Variants in PLSCR5 observed in about 807,000 individuals in gnomAD.
PLSCR5 encodes the protein phospholipid scramblase family, member 5.
A neutral mutation model predicts 33.6 loss-of-function variants in PLSCR5; 44 were observed. The observed-to-expected ratio is 1.31, with a 90% CI of 1.03 to 1.69. PLSCR5 has a LOEUF of 1.69. Among genes scored for constraint, PLSCR5 ranks in the 40% most tolerant of loss-of-function variants. The pLI, the probability that PLSCR5 is intolerant of heterozygous loss-of-function variation, is 0.00. For synonymous variants in PLSCR5, 148 were observed against 112.3 expected (o/e 1.32, Z -2.01); for missense variants, 375 against 318.7 (o/e 1.18, Z -1.34).
At chr3:146,602,892 T>C (rs1284098985) in intron 1 of PLSCR5, among the ~76,000 whole-genome samples, 2 of 152,070 alleles carry the variant, frequency 1.3e-5, no homozygotes, top group African/African-American at 2.4e-5. Context: ...CCAAAGTCTT[T>C]ATTTAGGAGT....
At chr3:146,598,839 C>A (rs2044785381) in intron 2 of PLSCR5, among the ~76,000 whole-genome samples, 1 of 152,192 alleles carries the variant, frequency 6.6e-6, no homozygotes, top group Non-Finnish European at 1.5e-5. Context: ...CCTGAGCTCT[C>A]CAGTCTCTAA....
chr3:146,586,226 C>A (rs2044664900), intron 6 of PLSCR5, 114 bp from the exon 7 acceptor site: 23 of 1,038,308 alleles, frequency 2.2e-5, no homozygotes, highest in Non-Finnish European at 3.0e-5. Context: ...AGTGGTGTTC[C>A]AGTATTATGA....
At chr3:146,594,912 T>C (rs1430429702) in intron 3 of PLSCR5, 129 bp downstream of exon 3, 7 of 466,824 alleles carry the variant, frequency 1.5e-5, no homozygotes, top group Non-Finnish European at 1.8e-5. Context: ...CCTAGTACTC[T>C]TTTTGATCTA....
rs1297247303 is a variant in PLSCR5 at position 146,589,713 on chromosome 3, A to C, written c.717T>G (p.His239Gln). 1 of 1,605,588 alleles carries C rather than the reference A, an allele frequency of 6.2e-7. No homozygotes were observed. The highest frequency in any genetic ancestry group is 8.5e-7 in the Non-Finnish European group (1 of 1,173,692). Reference sequence around the variant, plus strand: ...CTGTTACATCTAGATCTGCAGGAACATGAATTCCGAAATTGTCAGCATTTG... The same window carrying C: ...CTGTTACATCTAGATCTGCAGGAACCTGAATTCCGAAATTGTCAGCATTTG... ...VFTNADNFGI[H>Q]VPADLDVTVK... Residue 239 changes from histidine to glutamine, a missense_variant, in exon 6 of 8, where the codon CAT (histidine) becomes CAG (glutamine). His to Gln is a conservative substitution (Grantham distance 24). Transcript: ENST00000443512.
chr3:146,590,997 G>GTTTTTTTTTTTTTTTTTT (rs371124404), intron 5 of PLSCR5, among the ~76,000 whole-genome samples: 1 of 141,886 alleles, frequency 7.0e-6, no homozygotes. Context: ...GTTTTTTTTT[G>GTTTTTTTTTTTTTTTTTT]TTTTTTTTTT....
At chr3:146,586,006 C>T (rs2044662973) in intron 7 of PLSCR5, 24 bp downstream of exon 7, 1 of 1,396,728 alleles carries the variant, frequency 7.2e-7, no homozygotes, top group East Asian at 2.9e-5. Flanking sequence ...GGAAAGAGAT[C>T]ATTTAAACTT....
intron 5 of PLSCR5, among the ~76,000 whole-genome samples, chr3:146,590,724 G>T (rs2044706411): frequency 6.6e-6 from 1 of 152,050 alleles, no homozygotes; most frequent in Admixed American, 6.6e-5. Context: ...TTGGGGATAG[G>T]GTGAAGTTGG....
At chr3:146,581,605 G>A (rs1041420756), downstream of PLSCR5, among the ~76,000 whole-genome samples, 3 of 152,118 alleles carry the variant, frequency 2.0e-5, no homozygotes, top group Admixed American at 6.5e-5. Flanking sequence ...ATAAGTGAAT[G>A]AATAAGAAAA....
At chr3:146,590,691 G>T (rs188662124) in intron 5 of PLSCR5, among the ~76,000 whole-genome samples, 1 of 152,062 alleles carries the variant, frequency 6.6e-6, no homozygotes, top group African/African-American at 2.4e-5. Context: ...CATATTACTC[G>T]TAGGAAAGTC....
intron 2 of PLSCR5, among the ~76,000 whole-genome samples, chr3:146,599,170 C>T (rs140798109): frequency 1.3e-5 from 2 of 152,184 alleles, no homozygotes; most frequent in East Asian, 3.9e-4. Context: ...ATTTTATATG[C>T]CATAAAATTC....
At chr3:146,591,391 T>G (rs1193573583) in intron 5 of PLSCR5, among the ~76,000 whole-genome samples, 1 of 152,044 alleles carries the variant, frequency 6.6e-6, no homozygotes, top group Non-Finnish European at 1.5e-5. Context: ...ATAGAACACA[T>G]AGAATTATAT....
chr3:146,593,183 G>A (rs1428620377), intron 4 of PLSCR5, among the ~76,000 whole-genome samples: 5 of 152,018 alleles, frequency 3.3e-5, no homozygotes, highest in African/African-American at 1.2e-4. Context: ...TGAATGTATA[G>A]TCATAGGTAG....
intron 5 of PLSCR5, among the ~76,000 whole-genome samples, chr3:146,590,602 GAT>G (rs537821862): frequency 1.3e-5 from 2 of 152,042 alleles, no homozygotes; most frequent in Non-Finnish European, 2.9e-5. Context: ...GGTAGTAAAA[GAT>G]AGAGAATAGA....
intron 5 of PLSCR5, 65 bp from the exon 6 acceptor site, chr3:146,589,879 G>C: frequency 2.9e-6 from 3 of 1,043,994 alleles, no homozygotes; most frequent in Non-Finnish European, 4.0e-6. Flanking sequence ...TACTTCTGAG[G>C]GTGTTTACTT....
chr3:146,600,236 G>A, intron 2 of PLSCR5, 52 bp downstream of exon 2: 1 of 1,229,502 alleles, frequency 8.1e-7, no homozygotes, highest in Non-Finnish European at 1.0e-6. Flanking sequence ...AAGAAAGTTT[G>A]TATTAATTTT....
At chr3:146,590,255 T>A (rs1355072496) in intron 5 of PLSCR5, 3 of 152,284 alleles carry the variant, frequency 2.0e-5, no homozygotes, top group East Asian at 3.8e-4. Flanking sequence ...TTAAATTAAT[T>A]TCTAGGCATA....
In PLSCR5 at chr3:146,593,328, G is replaced by T. The variant is rs370454908; in HGVS notation, c.453+592C>A. 2.6e-5 allele frequency among the ~76,000 whole-genome samples: 4 copies of T among 152,084 alleles called. No homozygotes were observed. In the East Asian group the frequency reaches 7.7e-4, roughly 29 times the overall value. ...AGCCAGTAAAGTAAGTAAAAGTTCTGTGTCAATTTAACTGCATAAGTCAAT... is the reference window on the plus strand; with the variant it reads ...AGCCAGTAAAGTAAGTAAAAGTTCTTTGTCAATTTAACTGCATAAGTCAAT... On this transcript the variant is annotated intron_variant, in intron 4 of 7. Transcript: ENST00000443512.
chr3:146,589,694 C>G lies in PLSCR5; in HGVS notation c.736G>C (p.Val246Leu). Reference protein sequence around the residue: ...FGIHVPADLDVTVKAAMIGAC... With the variant: ...FGIHVPADLDLTVKAAMIGAC... ...CCGATCATTGCTGCTTTGACTGTTA[C>G]ATCTAGATCTGCAGGAACATGAATT... The change falls in exon 6 of 8, where the codon GTA becomes CTA. Residue 246 changes from valine (V) to leucine (L), a missense_variant. By Grantham distance (32) the Val-to-Leu change is conservative. Coordinates refer to ENST00000443512, the MANE Select transcript of PLSCR5 (RefSeq NM_001085420.2). 1.2e-6 allele frequency: 2 copies of G among 1,605,802 alleles called. No homozygotes were observed. Among genetic ancestry groups the G allele is most frequent in the Non-Finnish European group, 1.7e-6 (2 of 1,173,984 alleles).
chr3:146,582,304 T>TG (rs2044637402), downstream of PLSCR5, among the ~76,000 whole-genome samples: 1 of 152,218 alleles, frequency 6.6e-6, no homozygotes, highest in Non-Finnish European at 1.5e-5. Flanking sequence ...ACAGCTGACT[T>TG]GCCCAGACAT....
Sources: gnomAD v4.1 joint callset for allele counts (sites outside exome capture counted in the v4.1 genomes callset) on GRCh38, gnomAD v4.1.1 for gene constraint, MANE v1.5 for transcripts, NCBI Gene and HGNC (gene_info 2026-07-23, HGNC 2026-07-21) for gene names.